Variants in FAM241A observed in about 807,000 individuals in gnomAD.
FAM241A encodes uncharacterized protein FAM241A.
In FAM241A, 7 loss-of-function variants were observed where a neutral mutation model predicts 12.2. That is an observed-to-expected ratio of 0.58 (90% CI 0.33 to 1.08). The LOEUF (loss-of-function observed/expected upper bound fraction) is 1.08. Ranked by LOEUF, FAM241A falls within the 50% of genes least tolerant of loss-of-function variation. The pLI, the probability that FAM241A is intolerant of heterozygous loss-of-function variation, is 0.04. For missense variants in FAM241A, 161 were observed against 169.7 expected (o/e 0.95, Z 0.29); for synonymous variants, 74 against 68.2 (o/e 1.08, Z -0.42).
At chr4:112,175,019 G>T (rs989007945) in intron 1 of FAM241A, among the ~76,000 whole-genome samples, 8 of 152,206 alleles carry the variant, frequency 5.3e-5, no homozygotes, top group Non-Finnish European at 2.9e-5. Context: ...GGCTGAATGT[G>T]TAAAGTGCTT....
intron 1 of FAM241A, among the ~76,000 whole-genome samples, chr4:112,156,861 C>T (rs757204416): frequency 2.6e-5 from 4 of 152,092 alleles, no homozygotes; most frequent in Non-Finnish European, 4.4e-5. Context: ...AAAATTATCA[C>T]AATATAAAGA....
intron 1 of FAM241A, among the ~76,000 whole-genome samples, chr4:112,146,035 G>A (rs1237072296): frequency 6.6e-6 from 1 of 152,196 alleles, no homozygotes; most frequent in African/African-American, 2.4e-5. Flanking sequence ...CCAGGGCTCG[G>A]AGGAAATGCC....
At position 112,194,704 on chromosome 4, in the gene FAM241A, T is replaced by C. The variant is rs999807601; in HGVS notation, c.*7766T>C. On this transcript the variant is annotated 3_prime_UTR_variant, in exon 2 of 2. Coordinates refer to ENST00000309733, the MANE Select transcript of FAM241A (RefSeq NM_152400.3). ...TTGCATCCCAGGGATGAAGCCCACT[T>C]GAACATGGTGGATAAGCTTTTTGAT... 1 of 152,230 alleles carries C rather than the reference T, an allele frequency of 6.6e-6. No individual in the cohort carries two copies. Among genetic ancestry groups the C allele is most frequent in the Non-Finnish European group, 1.5e-5 (1 of 68,064 alleles). The allele number at this position is 152,230 out of a possible 1,614,324, so 9.4% of individuals were successfully genotyped here.
intron 1 of FAM241A, among the ~76,000 whole-genome samples, chr4:112,183,441 A>G (rs1723982254): frequency 6.6e-6 from 1 of 152,040 alleles, no homozygotes; most frequent in Non-Finnish European, 1.5e-5. Context: ...CTGATTTACT[A>G]ACTCTCTGTT....
intron 1 of FAM241A, among the ~76,000 whole-genome samples, chr4:112,174,986 G>A (rs1242502809): frequency 2.0e-5 from 3 of 152,188 alleles, no homozygotes; most frequent in Admixed American, 1.3e-4. Context: ...GCTAGAGTGG[G>A]AATCTCCAAG....
At chr4:112,167,121 A>T (rs373274435) in intron 1 of FAM241A, among the ~76,000 whole-genome samples, 22 of 150,396 alleles carry the variant, frequency 1.5e-4, no homozygotes, top group South Asian at 4.2e-4. Flanking sequence ...CTCAAAAAAA[A>T]AAAAAATAAA....
chr4:112,183,910 C>A (rs912691894), intron 1 of FAM241A, among the ~76,000 whole-genome samples: 9 of 151,434 alleles, frequency 5.9e-5, no homozygotes, highest in Admixed American at 2.0e-4. Flanking sequence ...TGTTATGGAT[C>A]ATATCAAAGT....
At chr4:112,166,955 A>C (rs1381185883) in intron 1 of FAM241A, among the ~76,000 whole-genome samples, 2 of 111,124 alleles carry the variant, frequency 1.8e-5, no homozygotes, top group Non-Finnish European at 3.5e-5. Flanking sequence ...TCTACTAAAA[A>C]TACAAAAAAT....
Position 112,179,676 on chromosome 4 carries a change from G to A in FAM241A, c.154-7017G>A, listed in dbSNP as rs901654662. ...TACATATGTAACAAACCTGCACGTT[G>A]TGCACATGTACCCTAGAACTTAAAG... On this transcript the variant is annotated intron_variant, in intron 1 of 1. Transcript: ENST00000309733. 5.3e-5 allele frequency among the ~76,000 whole-genome samples: 8 copies of A among 151,086 alleles called. 1 individual carries two copies. The highest frequency in any genetic ancestry group is 4.2e-4 in the South Asian group (2 of 4,784).
At chr4:112,182,797 C>G (rs1723965180) in intron 1 of FAM241A, among the ~76,000 whole-genome samples, 1 of 152,228 alleles carries the variant, frequency 6.6e-6, no homozygotes, top group African/African-American at 2.4e-5. Flanking sequence ...TTCCCCCAAC[C>G]CCCAACAAAG....
intron 1 of FAM241A, among the ~76,000 whole-genome samples, chr4:112,165,260 C>T (rs1406636378): frequency 6.6e-6 from 1 of 152,080 alleles, no homozygotes; most frequent in Non-Finnish European, 1.5e-5. Context: ...ATGACAAATA[C>T]TAGTGAGGAT....
chr4:112,179,726 A>ATTT, intron 1 of FAM241A, among the ~76,000 whole-genome samples: 2 of 69,730 alleles, frequency 2.9e-5, no homozygotes, highest in East Asian at 9.8e-4. Flanking sequence ...TATATATATT[A>ATTT]AAAAAAAGAA....
chr4:112,178,666 G>T (rs939331018), intron 1 of FAM241A, among the ~76,000 whole-genome samples: 11 of 152,120 alleles, frequency 7.2e-5, no homozygotes, highest in African/African-American at 2.2e-4. Context: ...AAGAATTTCT[G>T]CACAGCAAAA....
At chr4:112,154,263 AATTT>A (rs1372671136) in intron 1 of FAM241A, among the ~76,000 whole-genome samples, 1 of 151,950 alleles carries the variant, frequency 6.6e-6, no homozygotes, top group Non-Finnish European at 1.5e-5. Flanking sequence ...TATTTTTTAA[AATTT>A]ATTTCTTATT....
chr4:112,176,920 A>T (rs1427691242), intron 1 of FAM241A, among the ~76,000 whole-genome samples: 2 of 152,200 alleles, frequency 1.3e-5, no homozygotes, highest in African/African-American at 4.8e-5. Context: ...CAGGAAAAAA[A>T]AGCTCCATCT....
intron 1 of FAM241A, among the ~76,000 whole-genome samples, chr4:112,165,825 A>G (rs1723583635): frequency 6.6e-6 from 1 of 152,202 alleles, no homozygotes; most frequent in Admixed American, 6.5e-5. Context: ...GAATGAATGA[A>G]TGAGACCTAG....
At chr4:112,151,608 AT>A (rs1183859418) in intron 1 of FAM241A, among the ~76,000 whole-genome samples, 1 of 152,192 alleles carries the variant, frequency 6.6e-6, no homozygotes, top group Non-Finnish European at 1.5e-5. Flanking sequence ...CATGGACCAC[AT>A]TTTGGCAAGG....
chr4:112,178,010 A>C (rs6835142), intron 1 of FAM241A, among the ~76,000 whole-genome samples: 14,033 of 152,138 alleles, frequency 0.092, 797 homozygotes, highest in African/African-American at 0.15. Flanking sequence ...ACTTATTATG[A>C]GTCTATGATG....
At chr4:112,179,576 G>A (rs1324654014) in intron 1 of FAM241A, among the ~76,000 whole-genome samples, 4 of 151,920 alleles carry the variant, frequency 2.6e-5, no homozygotes, top group African/African-American at 4.8e-5. Flanking sequence ...GGAGAAGGGG[G>A]AGGGATAGCA....
Sources: gnomAD v4.1 joint callset for allele counts (sites outside exome capture counted in the v4.1 genomes callset) on GRCh38, gnomAD v4.1.1 for gene constraint, MANE v1.5 for transcripts, NCBI Gene and HGNC (gene_info 2026-07-23, HGNC 2026-07-21) for gene names.